The following PTPRK variants were observed in gnomAD, a reference collection of about 807,000 sequenced individuals.
PTPRK encodes receptor-type tyrosine-protein phosphatase kappa.
A neutral mutation model predicts 178.0 loss-of-function variants in PTPRK; 75 were observed. The ratio of observed to expected loss-of-function variants is 0.42; its 90% CI spans 0.35 to 0.51. The LOEUF is 0.51. Ranked by LOEUF, PTPRK falls within the 20% of genes least tolerant of loss-of-function variation. The pLI, the probability that PTPRK is intolerant of heterozygous loss-of-function variation, is 0.02. For synonymous variants in PTPRK, 637 were observed against 620.6 expected, an observed-to-expected ratio of 1.03 and a Z score of -0.39; for missense variants, 1,441 against 1,797.8, an observed-to-expected ratio of 0.80 and a Z score of 3.59.
At chr6:128,051,115 T>G (rs1380984472) in intron 13 of PTPRK, among the ~76,000 whole-genome samples, 1 of 152,178 alleles carries the variant, frequency 6.6e-6, no homozygotes, top group African/African-American at 2.4e-5. Context: ...ACAGGTTCAA[T>G]TATTCCCTAT....
chr6:128,295,923 GAA>G (rs1008239977), intron 3 of PTPRK, among the ~76,000 whole-genome samples: 48 of 152,138 alleles, frequency 3.2e-4, no homozygotes, highest in Admixed American at 2.4e-3. Flanking sequence ...GGCTAAAAAA[GAA>G]AAGTTTAGAC....
intron 7 of PTPRK, among the ~76,000 whole-genome samples, chr6:128,156,899 G>C (rs1302976478): frequency 6.6e-6 from 1 of 151,890 alleles, no homozygotes; most frequent in Non-Finnish European, 1.5e-5. Flanking sequence ...AAGTCAGACT[G>C]CCTGAGTCCT....
intron 2 of PTPRK, among the ~76,000 whole-genome samples, chr6:128,347,228 G>A (rs1489902954): frequency 3.9e-5 from 6 of 152,136 alleles, no homozygotes; most frequent in Admixed American, 2.0e-4. Context: ...CAAGCTTGAT[G>A]GGATCAGAGG....
At chr6:128,425,079 C>CTTTTTTTTTTTTT (rs1157646907) in intron 1 of PTPRK, among the ~76,000 whole-genome samples, 1 of 134,080 alleles carries the variant, frequency 7.5e-6, no homozygotes, top group Non-Finnish European at 1.6e-5. Flanking sequence ...AATGTGTAGT[C>CTTTTTTTTTTTTT]TTTTTTTTTT....
At chr6:128,268,662 G>C (rs1819325488) in intron 3 of PTPRK, among the ~76,000 whole-genome samples, 1 of 152,002 alleles carries the variant, frequency 6.6e-6, no homozygotes, top group South Asian at 2.1e-4. Context: ...CAATTCATTT[G>C]TTTTACAATC....
chr6:128,103,166 C>T (rs59636446), intron 7 of PTPRK, among the ~76,000 whole-genome samples: 12,891 of 152,032 alleles, frequency 0.085, 870 homozygotes, highest in African/African-American at 0.18. Context: ...TGTTGAGGAG[C>T]TTGGCTGGGG....
At chr6:128,500,366 G>A (rs540532763) in intron 1 of PTPRK, among the ~76,000 whole-genome samples, 9 of 151,966 alleles carry the variant, frequency 5.9e-5, no homozygotes, top group South Asian at 2.1e-4. Flanking sequence ...GAAAATTTGG[G>A]GGGGGGAGTC....
chr6:128,232,470 T>A (rs1353935516), intron 5 of PTPRK, among the ~76,000 whole-genome samples: 3 of 152,186 alleles, frequency 2.0e-5, no homozygotes, highest in African/African-American at 7.2e-5. Context: ...CTTGGATACT[T>A]GGACTAATTG....
intron 1 of PTPRK, among the ~76,000 whole-genome samples, chr6:128,418,522 C>T (rs1843088435): frequency 6.6e-6 from 1 of 152,180 alleles, no homozygotes; most frequent in African/African-American, 2.4e-5. Flanking sequence ...TTGCAAGCTC[C>T]TTATGAGAAT....
chr6:128,393,331 C>T (rs371091845), intron 2 of PTPRK, among the ~76,000 whole-genome samples: 3 of 152,036 alleles, frequency 2.0e-5, no homozygotes, highest in East Asian at 1.9e-4. Context: ...CCTCGTGATC[C>T]GCCCGCCTCG....
At chr6:128,165,134 A>G (rs981352815) in intron 7 of PTPRK, among the ~76,000 whole-genome samples, 8 of 151,354 alleles carry the variant, frequency 5.3e-5, no homozygotes, top group Non-Finnish European at 8.9e-5. Flanking sequence ...ACCGCATTAA[A>G]AAAAACCTAA....
chr6:128,363,922 C>T (rs1454678182), intron 2 of PTPRK, among the ~76,000 whole-genome samples: 6 of 152,046 alleles, frequency 3.9e-5, no homozygotes, highest in Admixed American at 6.6e-5. Flanking sequence ...CATTTCTATA[C>T]GTACATTCAC....
chr6:127,997,263 GAGAAGT>G (rs1176855537), intron 16 of PTPRK, among the ~76,000 whole-genome samples: 9 of 152,084 alleles, frequency 5.9e-5, no homozygotes, highest in African/African-American at 2.2e-4. Flanking sequence ...TCACTATAAT[GAGAAGT>G]AGAAGTAGCA....
intron 2 of PTPRK, among the ~76,000 whole-genome samples, chr6:128,381,010 T>C (rs1304681601): frequency 3.3e-5 from 5 of 152,222 alleles, no homozygotes; most frequent in Non-Finnish European, 7.3e-5. Context: ...CCATTTTTTT[T>C]CAAATCTAGA....
chr6:127,985,330 T>G (rs1775826534), intron 22 of PTPRK, among the ~76,000 whole-genome samples: 1 of 152,208 alleles, frequency 6.6e-6, no homozygotes, highest in African/African-American at 2.4e-5. Context: ...TAACTCTGTA[T>G]GTCTGAAATT....
intron 13 of PTPRK, among the ~76,000 whole-genome samples, chr6:128,016,933 A>G (rs1779656500): frequency 2.0e-5 from 3 of 152,018 alleles, no homozygotes; most frequent in African/African-American, 7.2e-5. Context: ...TTATTCTTAG[A>G]GGAAACATAT....
At chr6:128,373,870 T>C (rs575900373) in intron 2 of PTPRK, among the ~76,000 whole-genome samples, 2 of 152,280 alleles carry the variant, frequency 1.3e-5, no homozygotes, top group East Asian at 3.9e-4. Flanking sequence ...AACAAAATTG[T>C]TTCTATTAAT....
chr6:128,144,327 TATTAC>T (rs1212060599), intron 7 of PTPRK, among the ~76,000 whole-genome samples: 3 of 152,228 alleles, frequency 2.0e-5, no homozygotes, highest in Non-Finnish European at 4.4e-5. Flanking sequence ...TGTATTCAAA[TATTAC>T]ATTACATTGC....
intron 7 of PTPRK, among the ~76,000 whole-genome samples, chr6:128,098,412 C>T (rs1048361315): frequency 6.6e-6 from 1 of 152,098 alleles, no homozygotes; most frequent in South Asian, 2.1e-4. Context: ...AAAAAGTCCT[C>T]TGTTCTCCTG....
Sources: allele counts gnomAD v4.1 joint callset (sites outside exome capture counted in the v4.1 genomes callset), GRCh38; gene constraint gnomAD v4.1.1; transcripts MANE v1.5; gene names NCBI Gene and HGNC (gene_info 2026-07-23, HGNC 2026-07-21).